Variants in CACNB4 observed in about 807,000 individuals in gnomAD.
The protein encoded by CACNB4 is voltage-dependent L-type calcium channel subunit beta-4.
A neutral mutation model predicts 71.2 loss-of-function variants in CACNB4; 32 were observed. That is an observed-to-expected ratio of 0.45 (90% confidence interval 0.34 to 0.60). The LOEUF (loss-of-function observed/expected upper bound fraction) is 0.60. Ranked by LOEUF, CACNB4 falls within the 20% of genes least tolerant of loss-of-function variation. CACNB4 has a pLI of 0.01. For missense variants in CACNB4, 464 were observed against 647.9 expected, an observed-to-expected ratio of 0.72 and a Z score of 3.08; for synonymous variants, 231 against 236.9, an observed-to-expected ratio of 0.97 and a Z score of 0.23.
intron 2 of CACNB4, among the ~76,000 whole-genome samples, chr2:152,016,539 T>C (rs1410555957): frequency 6.6e-6 from 1 of 152,208 alleles, no homozygotes; most frequent in Non-Finnish European, 1.5e-5. Context: ...TAAACCAATC[T>C]ATTAAAAAAA....
In CACNB4 at chr2:151,899,097, A is replaced by C. The variant is rs563776313; in HGVS notation, c.148-15727T>G. Among the ~76,000 whole-genome samples, 7 of 152,388 alleles carry C rather than the reference A, an allele frequency of 4.6e-5. No homozygotes were observed. The South Asian group carries it at 1.4e-3, about 32-fold the overall frequency. ...AGAAGAGGACAGTCCTGAGGATGAC[A>C]GGTAGCATTCAGCAGGTTGAACTGG... On this transcript the variant is annotated intron_variant, in intron 2 of 13. Transcript: ENST00000539935.
At chr2:151,850,333 G>A (rs2099838757) in intron 12 of CACNB4, 1 of 151,552 alleles carries the variant, frequency 6.6e-6, no homozygotes, top group Non-Finnish European at 1.5e-5. Flanking sequence ...GTAGAGACGG[G>A]GATTCACCAT....
In CACNB4 at chr2:151,834,528, G is replaced by C. The variant is rs981297534; in HGVS notation, c.*4591C>G. On this transcript the variant is annotated 3_prime_UTR_variant, in exon 14 of 14. Transcript: ENST00000539935. ...AAAGAGATAGCTGCTATCAGAGGAT[G>C]TATTTTATTTAAGAAAGTCCATTTT... 1.3e-5 allele frequency: 2 copies of C among 151,978 alleles called. No homozygotes were observed. Among genetic ancestry groups the C allele is most frequent in the Non-Finnish European group, 2.9e-5 (2 of 67,848 alleles). The allele number at this position is 151,978 out of a possible 1,614,324, so 9.4% of individuals were successfully genotyped here. A position where few individuals can be genotyped will look rare whatever the true frequency, so the allele number is the denominator to read the frequency against.
At chr2:151,963,898 G>A (rs557540321) in intron 2 of CACNB4, among the ~76,000 whole-genome samples, 6 of 151,786 alleles carry the variant, frequency 4.0e-5, no homozygotes, top group African/African-American at 1.4e-4. Flanking sequence ...TGAAACTCCC[G>A]TCTCTACTAA....
At chr2:151,875,772 G>A (rs1331957939) in intron 5 of CACNB4, among the ~76,000 whole-genome samples, 6 of 114,152 alleles carry the variant, frequency 5.3e-5, no homozygotes, top group Non-Finnish European at 1.1e-4. Context: ...TCACCTCCCG[G>A]ACGGGGCGGC....
chr2:151,960,544 C>A (rs2099869405), intron 2 of CACNB4, among the ~76,000 whole-genome samples: 1 of 152,158 alleles, frequency 6.6e-6, no homozygotes, highest in East Asian at 1.9e-4. Flanking sequence ...CCAGGGAGGG[C>A]AGTGAAGCAA....
At chr2:151,971,255 C>T in intron 2 of CACNB4, 1 of 540,438 alleles carries the variant, frequency 1.9e-6, no homozygotes, top group South Asian at 2.3e-5. Flanking sequence ...TAAAATTGTC[C>T]CTAGGCAAGA....
At chr2:152,013,661 T>C (rs1211314801) in intron 2 of CACNB4, among the ~76,000 whole-genome samples, 1 of 152,120 alleles carries the variant, frequency 6.6e-6, no homozygotes, top group African/African-American at 2.4e-5. Context: ...CCCCAGGATA[T>C]AGAGAGGTCC....
At chr2:151,867,122 T>A (rs1290164105) in intron 9 of CACNB4, 1 of 152,198 alleles carries the variant, frequency 6.6e-6, no homozygotes, top group African/African-American at 2.4e-5. Flanking sequence ...TCTTATGGGA[T>A]GGGATTTGTT....
chr2:152,045,016 G>A (rs1354977844), intron 2 of CACNB4, among the ~76,000 whole-genome samples: 1 of 152,178 alleles, frequency 6.6e-6, no homozygotes, highest in Non-Finnish European at 1.5e-5. Flanking sequence ...AAAGGAGGAT[G>A]TGAAGCAAGG....
intron 2 of CACNB4, among the ~76,000 whole-genome samples, chr2:152,013,047 T>C (rs1420986383): frequency 6.6e-6 from 1 of 152,166 alleles, no homozygotes; most frequent in Non-Finnish European, 1.5e-5. Flanking sequence ...ACACTTACTA[T>C]TGTGTTACAA....
At chr2:151,891,285 A>C (rs2099850661) in intron 2 of CACNB4, among the ~76,000 whole-genome samples, 1 of 152,138 alleles carries the variant, frequency 6.6e-6, no homozygotes, top group Non-Finnish European at 1.5e-5. Context: ...TTGACCCCAC[A>C]AGTACAAGGA....
At chr2:152,007,617 C>G (rs994781942) in intron 2 of CACNB4, among the ~76,000 whole-genome samples, 43 of 152,186 alleles carry the variant, frequency 2.8e-4, no homozygotes, top group African/African-American at 9.4e-4. Context: ...AGCCATCCGT[C>G]TGTGGATGGA....
At chr2:152,029,668 A>AC (rs1359539861) in intron 2 of CACNB4, among the ~76,000 whole-genome samples, 1 of 151,760 alleles carries the variant, frequency 6.6e-6, no homozygotes, top group African/African-American at 2.4e-5. Context: ...TGAAATCCTA[A>AC]CCCCCACGGT....
Position 151,838,664 on chromosome 2 carries a change from GT to G in CACNB4, c.*454del, listed in dbSNP as rs879114509. The G allele has an allele frequency of 1.8e-3, 267 of 146,134 alleles. 1 individual carries two copies. The highest frequency in any genetic ancestry group is 4.0e-3 in the East Asian group (20 of 4,988). 9.1% of individuals were successfully genotyped at this position (146,134 alleles called of 1,614,324 possible). On this transcript the variant is annotated 3_prime_UTR_variant, in exon 14 of 14. Coordinates refer to ENST00000539935, the MANE Select transcript of CACNB4 (RefSeq NM_000726.5). ...TATTGGTATTTCGATTTTCTTATTA[GT>G]TTTTTTTTTTTCCCCCCAGATTTTT...
chr2:151,842,068 C>A lies in CACNB4; in HGVS notation c.1137G>T (p.Leu379Phe). ...QCPPEMFDVI[L>F]DENQLEDACE... ...ATGCATCCTCAAGCTGATTTTCATC[C>A]AATATAACATCAAACATTTCCTGTA... Residue 379 changes from leucine to phenylalanine, a missense_variant, in exon 13 of 14, where the codon TTG becomes TTT. Leu to Phe is a conservative substitution (Grantham distance 22). This residue lies in a region of CACNB4 where 299 missense variants were observed against 471.7 expected (regional missense o/e 0.63). Transcript: ENST00000539935. 6.2e-7 allele frequency: 1 copy of A among 1,613,692 alleles called. No individual in the cohort carries two copies. Among genetic ancestry groups the A allele is most frequent in the South Asian group, 1.1e-5 (1 of 91,068 alleles).
At chr2:151,971,426 C>T in intron 2 of CACNB4, 1 of 694,180 alleles carries the variant, frequency 1.4e-6, no homozygotes, top group South Asian at 1.5e-5. Flanking sequence ...CCGTACTCAG[C>T]TTTTAGTGCC....
At chr2:151,971,340 AC>A in intron 2 of CACNB4, 1 of 600,944 alleles carries the variant, frequency 1.7e-6, no homozygotes, top group Non-Finnish European at 3.0e-6. Flanking sequence ...CACACACCCC[AC>A]AAAGACATTT....
intron 2 of CACNB4, among the ~76,000 whole-genome samples, chr2:151,891,907 C>A (rs2099850799): frequency 6.6e-6 from 1 of 152,158 alleles, no homozygotes; most frequent in African/African-American, 2.4e-5. Flanking sequence ...GTCAAAACTT[C>A]ATGAGAGCTT....
Sources: allele counts gnomAD v4.1 joint callset (sites outside exome capture counted in the v4.1 genomes callset), GRCh38; gene constraint gnomAD v4.1.1; regional missense constraint gnomAD v4.1.1; transcripts MANE v1.5; gene names NCBI Gene and HGNC (gene_info 2026-07-23, HGNC 2026-07-21).